SLC35F3: variants seen among roughly 807,000 people sequenced by gnomAD.
The protein encoded by SLC35F3 is putative thiamine transporter SLC35F3.
SLC35F3 carries 25 observed loss-of-function variants against 49.9 expected under a neutral mutation model. The observed-to-expected ratio is 0.50, with a 90% CI of 0.37 to 0.70. SLC35F3 has a LOEUF of 0.70. Ranked by LOEUF, SLC35F3 falls within the 30% of genes least tolerant of loss-of-function variation. The pLI is 0.00. For synonymous variants in SLC35F3, 275 were observed against 265.4 expected, an observed-to-expected ratio of 1.04 and a Z score of -0.35; for missense variants, 525 against 639.8, an observed-to-expected ratio of 0.82 and a Z score of 1.94.
At chr1:234,085,332 T>C (rs1266447073) in intron 2 of SLC35F3, among the ~76,000 whole-genome samples, 2 of 152,200 alleles carry the variant, frequency 1.3e-5, no homozygotes, top group East Asian at 1.9e-4. Context: ...TCCCCACCTA[T>C]TGATGATAAT....
At chr1:234,023,349 G>A (rs1663927648) in intron 2 of SLC35F3, among the ~76,000 whole-genome samples, 1 of 152,200 alleles carries the variant, frequency 6.6e-6, no homozygotes, top group South Asian at 2.1e-4. Flanking sequence ...AAGCATTGAT[G>A]AGGGTATGTC....
chr1:234,282,578 A>G (rs1026134539), intron 3 of SLC35F3, among the ~76,000 whole-genome samples: 2 of 152,196 alleles, frequency 1.3e-5, no homozygotes, highest in Non-Finnish European at 1.5e-5. Context: ...GTCTCCCTCA[A>G]CCAGCTGGGG....
chr1:234,225,820 T>C (rs966113000), intron 2 of SLC35F3, among the ~76,000 whole-genome samples: 10 of 152,236 alleles, frequency 6.6e-5, no homozygotes, highest in Admixed American at 6.5e-4. Context: ...AAATTTGGTA[T>C]ATCCATACAA....
intron 2 of SLC35F3, among the ~76,000 whole-genome samples, chr1:233,942,104 G>A (rs904707536): frequency 1.3e-5 from 2 of 151,816 alleles, no homozygotes; most frequent in African/African-American, 4.8e-5. Context: ...GGGATTACAG[G>A]TGCCCGCCAC....
At chr1:234,295,468 A>T (rs1187361596) in intron 3 of SLC35F3, among the ~76,000 whole-genome samples, 4 of 152,128 alleles carry the variant, frequency 2.6e-5, no homozygotes, top group Non-Finnish European at 2.9e-5. Flanking sequence ...GCCAGTTCTC[A>T]AGTGTCAGTC....
At chr1:234,266,531 G>A (rs146398249) in intron 3 of SLC35F3, among the ~76,000 whole-genome samples, 11 of 152,286 alleles carry the variant, frequency 7.2e-5, no homozygotes, top group Admixed American at 2.0e-4. Flanking sequence ...TATCCATACA[G>A]TCTTCCATCA....
intron 2 of SLC35F3, among the ~76,000 whole-genome samples, chr1:234,122,971 T>G (rs1665597739): frequency 6.6e-6 from 1 of 152,250 alleles, no homozygotes; most frequent in African/African-American, 2.4e-5. Context: ...TATAATCCTT[T>G]GGGTACATAC....
At chr1:234,285,166 G>A in intron 3 of SLC35F3, 1 of 295,284 alleles carries the variant, frequency 3.4e-6, no homozygotes, top group Non-Finnish European at 6.5e-6. Context: ...AAATAGGAAG[G>A]AGGTGGCTAC....
intron 2 of SLC35F3, among the ~76,000 whole-genome samples, chr1:233,954,008 C>CT (rs750099276): frequency 0.026 from 3,684 of 141,168 alleles, 66 homozygotes; most frequent in African/African-American, 0.039. Flanking sequence ...ACTAGAGCCT[C>CT]TTTTTTTTTT....
chr1:234,041,282 C>G (rs901088050), intron 2 of SLC35F3, among the ~76,000 whole-genome samples: 1 of 152,170 alleles, frequency 6.6e-6, no homozygotes, highest in African/African-American at 2.4e-5. Flanking sequence ...TCTTTCTCCT[C>G]CAAGTGGTGA....
intron 2 of SLC35F3, among the ~76,000 whole-genome samples, chr1:234,041,918 G>T (rs34341450): frequency 0.13 from 19,953 of 152,174 alleles, 1,613 homozygotes; most frequent in Non-Finnish European, 0.18. Context: ...CACACAGGAA[G>T]GAGTCCTGGG....
intron 2 of SLC35F3, among the ~76,000 whole-genome samples, chr1:233,910,853 T>C: frequency 6.6e-6 from 1 of 152,198 alleles, no homozygotes; most frequent in East Asian, 1.9e-4. Flanking sequence ...AGAATGTGAA[T>C]GGAATGAGTT....
At chr1:234,010,373 A>ATGGT (rs1663696642) in intron 2 of SLC35F3, among the ~76,000 whole-genome samples, 1 of 152,224 alleles carries the variant, frequency 6.6e-6, no homozygotes, top group Non-Finnish European at 1.5e-5. Context: ...GATTCAAAGC[A>ATGGT]TATCACTGTG....
chr1:234,271,568 A>G (rs1264917790), intron 3 of SLC35F3, among the ~76,000 whole-genome samples: 1 of 152,218 alleles, frequency 6.6e-6, no homozygotes, highest in Non-Finnish European at 1.5e-5. Flanking sequence ...CCATCAGGGA[A>G]AATGTAAAAG....
At chr1:234,201,057 A>G (rs1655977977) in intron 2 of SLC35F3, among the ~76,000 whole-genome samples, 1 of 152,206 alleles carries the variant, frequency 6.6e-6, no homozygotes, top group African/African-American at 2.4e-5. Flanking sequence ...AGCACAGTAT[A>G]TCATCTCTAG....
At chr1:234,025,240 T>G (rs1663960503) in intron 2 of SLC35F3, among the ~76,000 whole-genome samples, 1 of 152,244 alleles carries the variant, frequency 6.6e-6, no homozygotes, top group African/African-American at 2.4e-5. Flanking sequence ...CTAGGTTGAT[T>G]CCATGTCTTT....
At chr1:233,946,192 T>C (rs1383968564) in intron 2 of SLC35F3, among the ~76,000 whole-genome samples, 1 of 152,238 alleles carries the variant, frequency 6.6e-6, no homozygotes, top group Admixed American at 6.5e-5. Context: ...AGTCACGGTG[T>C]ACAACTGCTC....
chr1:234,045,584 C>T (rs538273603), intron 2 of SLC35F3, among the ~76,000 whole-genome samples: 5 of 152,212 alleles, frequency 3.3e-5, no homozygotes, highest in African/African-American at 1.2e-4. Flanking sequence ...CTAGAACTTG[C>T]ACTTGTAACC....
intron 2 of SLC35F3, among the ~76,000 whole-genome samples, chr1:234,079,262 A>AT (rs962182763): frequency 6.6e-6 from 1 of 151,996 alleles, no homozygotes; most frequent in South Asian, 2.1e-4. Flanking sequence ...ACATGAGTCT[A>AT]TTTTTTTTAT....
Sources: gnomAD v4.1 joint callset for allele counts (sites outside exome capture counted in the v4.1 genomes callset) on GRCh38, gnomAD v4.1.1 for gene constraint, MANE v1.5 for transcripts, NCBI Gene and HGNC (gene_info 2026-07-23, HGNC 2026-07-21) for gene names.